The following FYTTD1 variants were observed in gnomAD, a reference collection of about 807,000 sequenced individuals.
The protein encoded by FYTTD1 is UAP56-interacting factor.
FYTTD1 carries 22 observed loss-of-function variants against 40.9 expected under a neutral mutation model. The observed-to-expected ratio is 0.54, with a 90% CI of 0.38 to 0.77. The LOEUF is 0.77. Ranked by LOEUF, FYTTD1 falls within the 30% of genes least tolerant of loss-of-function variation. The pLI, the probability that FYTTD1 is intolerant of heterozygous loss-of-function variation, is 0.00. For missense variants in FYTTD1, 351 were observed against 392.2 expected, an observed-to-expected ratio of 0.90 and a Z score of 0.89; for synonymous variants, 140 against 137.9, an observed-to-expected ratio of 1.01 and a Z score of -0.10.
At chr3:197,750,385 G>T in intron 1 of FYTTD1, 1 of 1,093,112 alleles carries the variant, frequency 9.1e-7, no homozygotes, top group Middle Eastern at 4.0e-4. Context: ...CTCCCCGGAG[G>T]GGCTACGGCT....
chr3:197,774,340 C>A, intron 6 of FYTTD1, 130 bp downstream of exon 6: 1 of 740,686 alleles, frequency 1.4e-6, no homozygotes, highest in Non-Finnish European at 2.3e-6. Flanking sequence ...GAAAGCTGGG[C>A]ATAGTGGTGC....
intron 2 of FYTTD1, among the ~76,000 whole-genome samples, chr3:197,767,619 T>C (rs938950559): frequency 7.9e-5 from 12 of 152,102 alleles, no homozygotes; most frequent in African/African-American, 2.9e-4. Context: ...CATGTGCTAC[T>C]ATGCCCAACT....
chr3:197,755,261 G>A (rs766763870), intron 1 of FYTTD1, among the ~76,000 whole-genome samples: 2 of 152,090 alleles, frequency 1.3e-5, no homozygotes, highest in Non-Finnish European at 2.9e-5. Flanking sequence ...GTTTCCATCA[G>A]TACTTTTAAA....
At chr3:197,780,657 C>G (rs949339570) in intron 8 of FYTTD1, among the ~76,000 whole-genome samples, 1 of 151,952 alleles carries the variant, frequency 6.6e-6, no homozygotes. Context: ...ATTCTCCTGC[C>G]TTAGCCTCCT....
Position 197,784,268 on chromosome 3 carries a change from T to C in FYTTD1, c.*2359T>C, listed in dbSNP as rs894662709. 10 of 152,298 alleles carry C rather than the reference T, an allele frequency of 6.6e-5. No individual in the cohort carries two copies. Among genetic ancestry groups the C allele is most frequent in the Admixed American group, 1.3e-4 (2 of 15,286 alleles). The allele number at this position is 152,298 out of a possible 1,614,324, so 9.4% of individuals were successfully genotyped here. A position where few individuals can be genotyped will look rare whatever the true frequency, so the allele number is the denominator to read the frequency against. On this transcript the variant is annotated 3_prime_UTR_variant, in exon 9 of 9. Transcript: ENST00000241502. ...GATCTATTCTGAAGCTGTTCATTTT[T>C]AACAAATAAAATGTTACAGGTTTCA...
At chr3:197,750,227 G>A (rs1005685948) in intron 1 of FYTTD1, 153 bp downstream of exon 1, 4 of 823,734 alleles carry the variant, frequency 4.9e-6, no homozygotes, top group Non-Finnish European at 6.8e-6. Flanking sequence ...GAGGACAGCC[G>A]GGAGCGCAGG....
At chr3:197,763,821 A>G (rs1420724944) in intron 2 of FYTTD1, among the ~76,000 whole-genome samples, 4 of 152,220 alleles carry the variant, frequency 2.6e-5, no homozygotes, top group Non-Finnish European at 5.9e-5. Context: ...ATTGGGACAT[A>G]TGATGTATGT....
At chr3:197,779,173 G>A (rs1372095969) in intron 8 of FYTTD1, among the ~76,000 whole-genome samples, 1 of 152,126 alleles carries the variant, frequency 6.6e-6, no homozygotes, top group Admixed American at 6.5e-5. Context: ...CCAGCACTTT[G>A]GGAGGCCGAG....
chr3:197,759,345 G>C (rs990756964), intron 2 of FYTTD1, among the ~76,000 whole-genome samples: 2 of 151,936 alleles, frequency 1.3e-5, no homozygotes, highest in Non-Finnish European at 2.9e-5. Flanking sequence ...AATGTATACA[G>C]TTGTTCCTCA....
rs1730163448 is a variant in FYTTD1, at chr3:197,786,797, T to C, written c.*4888T>C. ...CTTGGAGTTTATAAAAGCGGAGTTT[T>C]TTTATTTTTTGAGACGGAATACTCT... On this transcript the variant is annotated 3_prime_UTR_variant, in exon 9 of 9. Coordinates refer to ENST00000241502, the MANE Select transcript of FYTTD1 (RefSeq NM_032288.7). 6.6e-6 allele frequency: 1 copy of C among 152,198 alleles called. No individual in the cohort carries two copies. The allele number at this position is 152,198 out of a possible 1,614,324, so 9.4% of individuals were successfully genotyped here.
At chr3:197,756,315 C>A in intron 1 of FYTTD1, 111 bp from the exon 2 acceptor site, 1 of 742,170 alleles carries the variant, frequency 1.3e-6, no homozygotes, top group Non-Finnish European at 2.3e-6. Context: ...TATGGAAGTG[C>A]TTTCAAAGTA....
Position 197,750,085 on chromosome 3 carries a change from G to C in FYTTD1, c.103+11G>C. ...TAGATATGTCTTTGGGTGAGGGGCC[G>C]AGTTGGACCGAGTTGGAGTGCGGGG... On this transcript the variant is annotated intron_variant, in intron 1 of 8. Transcript: ENST00000241502. 1 of 1,543,980 alleles carries C rather than the reference G, an allele frequency of 6.5e-7. No homozygotes were observed. The highest frequency in any genetic ancestry group is 8.8e-7 in the Non-Finnish European group (1 of 1,141,016).
chr3:197,774,146 C>T lies in FYTTD1; in HGVS notation c.595-3C>T, dbSNP rs1398068639. 1 of 1,611,194 alleles carries T rather than the reference C, an allele frequency of 6.2e-7. No homozygotes were observed. The highest frequency in any genetic ancestry group is 2.2e-5 in the East Asian group (1 of 44,890). On this transcript the variant is annotated splice_region_variant and splice_polypyrimidine_tract_variant and intron_variant, in intron 5 of 8. Transcript: ENST00000241502. Reference sequence around the variant, plus strand: ...GTACCTACTGCTTTTTTTTTCCCTTCAGGTGCAGGCCCAGTTGAATACAGA... The same window carrying T: ...GTACCTACTGCTTTTTTTTTCCCTTTAGGTGCAGGCCCAGTTGAATACAGA...
intron 3 of FYTTD1, among the ~76,000 whole-genome samples, chr3:197,769,061 G>A (rs1217161710): frequency 1.3e-5 from 2 of 149,864 alleles, no homozygotes; most frequent in Non-Finnish European, 3.0e-5. Context: ...CACCGTGCCT[G>A]GCCGAAAATG....
intron 2 of FYTTD1, among the ~76,000 whole-genome samples, chr3:197,758,259 G>A (rs1208306746): frequency 2.0e-5 from 3 of 151,352 alleles, no homozygotes; most frequent in African/African-American, 4.9e-5. Context: ...ATATATTTTT[G>A]TATTATTTGT....
At chr3:197,750,922 T>C (rs1335224573) in intron 1 of FYTTD1, 1 of 868,752 alleles carries the variant, frequency 1.2e-6, no homozygotes, top group Non-Finnish European at 1.4e-6. Flanking sequence ...AATCCAGCCC[T>C]GACACTACCG....
chr3:197,762,436 A>C (rs1158957774), intron 2 of FYTTD1, among the ~76,000 whole-genome samples: 5 of 151,854 alleles, frequency 3.3e-5, no homozygotes, highest in Admixed American at 3.3e-4. Context: ...TAAAAATATA[A>C]AAATTAGCCG....
chr3:197,786,311 C>A lies in FYTTD1; in HGVS notation c.*4402C>A, dbSNP rs568600715. ...TGCATTTTTAGTAGAGACGGGGTTT[C>A]TCCATGTTGGTCAGGCTGGTCTCAA... On this transcript the variant is annotated 3_prime_UTR_variant, in exon 9 of 9. Coordinates refer to ENST00000241502, the MANE Select transcript of FYTTD1 (RefSeq NM_032288.7). The A allele has an allele frequency of 3.3e-5, 5 of 152,084 alleles. No individual in the cohort carries two copies. Among genetic ancestry groups the A allele is most frequent in the Admixed American group, 2.6e-4 (4 of 15,264 alleles). The allele number at this position is 152,084 out of a possible 1,614,324, so 9.4% of individuals were successfully genotyped here. A position where few individuals can be genotyped will look rare whatever the true frequency, so the allele number is the denominator to read the frequency against.
chr3:197,779,024 G>T (rs575531294), intron 8 of FYTTD1, among the ~76,000 whole-genome samples: 1 of 152,138 alleles, frequency 6.6e-6, no homozygotes, highest in Non-Finnish European at 1.5e-5. Flanking sequence ...ATCTATGAGG[G>T]TTCTGAATTT....
Sources: gnomAD v4.1 joint callset for allele counts (sites outside exome capture counted in the v4.1 genomes callset) on GRCh38, gnomAD v4.1.1 for gene constraint, MANE v1.5 for transcripts, NCBI Gene and HGNC (gene_info 2026-07-23, HGNC 2026-07-21) for gene names.